Variants in TSHZ3 observed in about 807,000 individuals in gnomAD.
The protein encoded by TSHZ3 is teashirt zinc finger homeobox 3, also known as teashirt homolog 3.
Under a neutral mutation model 64.5 loss-of-function variants are expected in TSHZ3, and 10 were observed. That is an observed-to-expected ratio of 0.16 (90% CI 0.10 to 0.26). The LOEUF (loss-of-function observed/expected upper bound fraction) is 0.26. Among genes scored for constraint, TSHZ3 ranks in the 10% least tolerant of loss-of-function variants. TSHZ3 has a pLI of 1.00. For missense variants in TSHZ3, 1,242 were observed against 1,421.7 expected, an observed-to-expected ratio of 0.87 and a Z score of 2.03; for synonymous variants, 608 against 593.1, an observed-to-expected ratio of 1.03 and a Z score of -0.36.
chr19:31,272,582 C>CTTGT (rs1357435662), downstream of TSHZ3, among the ~76,000 whole-genome samples: 1 of 152,198 alleles, frequency 6.6e-6, no homozygotes, highest in African/African-American at 2.4e-5. Context: ...CTGCCTAAAA[C>CTTGT]TTAAAGATAC....
intron 3 of TSHZ3, among the ~76,000 whole-genome samples, chr19:31,232,795 G>A (rs1416104300): frequency 1.3e-5 from 2 of 152,064 alleles, no homozygotes; most frequent in African/African-American, 4.8e-5. Flanking sequence ...AATATAATTG[G>A]AACTTAATAT....
intron 1 of TSHZ3, among the ~76,000 whole-genome samples, chr19:31,254,333 G>A (rs975480312): frequency 1.2e-4 from 19 of 152,174 alleles, no homozygotes; most frequent in African/African-American, 3.6e-4. Flanking sequence ...TCCCCAGCAC[G>A]GCCGGGCCTG....
At chr19:31,206,900 C>G (rs1460294304) in intron 4 of TSHZ3, among the ~76,000 whole-genome samples, 1 of 152,174 alleles carries the variant, frequency 6.6e-6, no homozygotes, top group Non-Finnish European at 1.5e-5. Flanking sequence ...ATAACCCCTG[C>G]AATCTGCCCC....
At chr19:31,274,622 C>G (rs915904305), downstream of TSHZ3, among the ~76,000 whole-genome samples, 1 of 152,086 alleles carries the variant, frequency 6.6e-6, no homozygotes, top group African/African-American at 2.4e-5. Context: ...TGCAGGTCAC[C>G]AGGTGTGACC....
intron 1 of TSHZ3, among the ~76,000 whole-genome samples, chr19:31,288,729 T>C (rs900109201): frequency 6.6e-6 from 1 of 152,106 alleles, no homozygotes; most frequent in Non-Finnish European, 1.5e-5. Flanking sequence ...TTTTTAGAGT[T>C]GGGGTCTTGC....
At chr19:31,155,906 C>A (rs1336778431) in intron 6 of TSHZ3, among the ~76,000 whole-genome samples, 1 of 152,190 alleles carries the variant, frequency 6.6e-6, no homozygotes, top group Non-Finnish European at 1.5e-5. Context: ...CTTAGTGACA[C>A]CATTGGGAAT....
downstream of TSHZ3, among the ~76,000 whole-genome samples, chr19:31,271,141 A>G (rs1976130434): frequency 6.6e-6 from 1 of 152,166 alleles, no homozygotes; most frequent in African/African-American, 2.4e-5. Context: ...CAGGCCGCTA[A>G]CCAACAATTT....
chr19:31,347,537 C>G (rs1157794548), intron 1 of TSHZ3, among the ~76,000 whole-genome samples: 3 of 152,166 alleles, frequency 2.0e-5, no homozygotes, highest in Non-Finnish European at 2.9e-5. Flanking sequence ...TCCAAAGTTT[C>G]AGAGTTTATT....
At chr19:31,208,726 G>A (rs531930557) in intron 4 of TSHZ3, among the ~76,000 whole-genome samples, 13 of 152,300 alleles carry the variant, frequency 8.5e-5, no homozygotes, top group Non-Finnish European at 1.5e-4. Context: ...ACCACAAGTC[G>A]TGGCTTTCCC....
chr19:31,177,908 G>A (rs939077497), intron 5 of TSHZ3, among the ~76,000 whole-genome samples: 1 of 152,174 alleles, frequency 6.6e-6, no homozygotes, highest in Admixed American at 6.5e-5. Context: ...ATGAGAATAA[G>A]ACAAATGTTT....
Position 31,277,403 on chromosome 19 carries a change from C to T in TSHZ3, c.2390G>A (p.Ser797Asn). 1 of 1,614,144 alleles carries T rather than the reference C, an allele frequency of 6.2e-7. No homozygotes were observed. The highest frequency in any genetic ancestry group is 8.5e-7 in the Non-Finnish European group (1 of 1,180,032). Residue 797 changes from serine to asparagine, a missense_variant, in exon 2 of 2, where the codon AGT (serine) becomes AAT (asparagine). By Grantham distance (46) the Ser-to-Asn change is conservative (BLOSUM62 1). Around this residue, in one of 4 missense-constraint regions of TSHZ3, gnomAD observed 550 missense variants for 545.1 expected, o/e 1.01. Transcript: ENST00000240587. The surrounding 1 kb of genome is among the most constrained non-coding windows in gnomAD (Gnocchi z 4.5). Reference protein sequence around the residue: ...DQPIDLTKGKSDKGCSLGSVL... With the variant: ...DQPIDLTKGKNDKGCSLGSVL... ...TGAACCCAAGGAGCAGCCTTTGTCA[C>T]TCTTCCCTTTTGTCAAGTCTATGGG...
chr19:31,333,146 A>C (rs549921415), intron 1 of TSHZ3, among the ~76,000 whole-genome samples: 54 of 130,860 alleles, frequency 4.1e-4, no homozygotes, highest in Admixed American at 2.6e-3. Flanking sequence ...ATAAATAAAT[A>C]AATAAATCCA....
At chr19:31,162,942 G>T (rs1378904255) in intron 5 of TSHZ3, among the ~76,000 whole-genome samples, 2 of 152,090 alleles carry the variant, frequency 1.3e-5, no homozygotes, top group East Asian at 3.9e-4. Context: ...CAGCTTTTAT[G>T]TGCCCCACTG....
Position 31,239,971 on chromosome 19 carries a change from G to A in TSHZ3, n.550+2298C>T, listed in dbSNP as rs148515078. On this transcript the variant is annotated intron_variant and non_coding_transcript_variant, in intron 3 of 6. Coordinates refer to the TSHZ3 transcript ENST00000651361. ...CTGTAATGCGTGTTTCCAGTATGGC[G>A]CTTTCAGTATTTTCTTTGCAATTTG... 4.7e-4 allele frequency among the ~76,000 whole-genome samples: 71 copies of A among 152,068 alleles called. No homozygotes were observed. In the South Asian group the frequency reaches 8.3e-3, roughly 18 times the overall value.
intron 1 of TSHZ3, among the ~76,000 whole-genome samples, chr19:31,320,077 C>T (rs1461999930): frequency 6.6e-6 from 1 of 152,156 alleles, no homozygotes; most frequent in Non-Finnish European, 1.5e-5. Flanking sequence ...AACATTTTCT[C>T]GGGTTACATC....
chr19:31,205,602 C>T (rs1975155972), intron 4 of TSHZ3, among the ~76,000 whole-genome samples: 1 of 152,196 alleles, frequency 6.6e-6, no homozygotes, highest in African/African-American at 2.4e-5. Flanking sequence ...CAGGGAGCAC[C>T]ATGTGAAGAT....
chr19:31,206,086 TG>T (rs1425783255), intron 4 of TSHZ3, among the ~76,000 whole-genome samples: 1 of 112,118 alleles, frequency 8.9e-6, no homozygotes, highest in Non-Finnish European at 1.9e-5. Flanking sequence ...AATGGATGGA[TG>T]GATGGATGGA....
chr19:31,337,581 C>CGT (rs1917287633), intron 1 of TSHZ3, among the ~76,000 whole-genome samples: 1 of 152,204 alleles, frequency 6.6e-6, no homozygotes, highest in African/African-American at 2.4e-5. Flanking sequence ...CCACTGGCTA[C>CGT]AATTCCAGGC....
At chr19:31,243,078 C>T (rs1248790124) in intron 1 of TSHZ3, among the ~76,000 whole-genome samples, 1 of 152,202 alleles carries the variant, frequency 6.6e-6, no homozygotes. Flanking sequence ...ATCCTTTAAT[C>T]CAGTCAAGTT....
Sources: allele counts gnomAD v4.1 joint callset (sites outside exome capture counted in the v4.1 genomes callset), GRCh38; gene constraint gnomAD v4.1.1; regional missense constraint gnomAD v4.1.1; non-coding constraint Gnocchi (gnomAD v3.1); transcripts MANE v1.5; gene names NCBI Gene and HGNC (gene_info 2026-07-23, HGNC 2026-07-21).